The following ANTXRL variants were observed in gnomAD, a reference collection of about 807,000 sequenced individuals.
ANTXRL encodes anthrax toxin receptor-like.
ANTXRL carries 63 observed loss-of-function variants against 75.4 expected under a neutral mutation model. The ratio of observed to expected loss-of-function variants is 0.84; its 90% CI spans 0.68 to 1.03. ANTXRL has a LOEUF of 1.03. ANTXRL is among the 50% of genes least tolerant of loss of function. ANTXRL has a pLI of 0.00. For missense variants in ANTXRL, 797 were observed against 789.4 expected (o/e 1.01, Z -0.12); for synonymous variants, 335 against 291.3 (o/e 1.15, Z -1.53).
rs1836791314 is a variant in ANTXRL, at chr10:46,286,999, T to C, written c.-264T>C. 2 of 540,402 alleles carry C rather than the reference T, an allele frequency of 3.7e-6. No homozygotes were observed. The highest frequency in any genetic ancestry group is 6.6e-6 in the Non-Finnish European group (2 of 304,608). The allele number at this position is 540,402 out of a possible 1,614,324, so 33.5% of individuals were successfully genotyped here. A position where few individuals can be genotyped will look rare whatever the true frequency, so the allele number is the denominator to read the frequency against. On this transcript the variant is annotated 5_prime_UTR_variant, in exon 1 of 17. Transcript: ENST00000620264. ...ACCATGTCAACCTTCCTGTCAACCATAACAGAGAATTCTGTCCCCAGGGTG... is the reference window on the plus strand; with the variant it reads ...ACCATGTCAACCTTCCTGTCAACCACAACAGAGAATTCTGTCCCCAGGGTG...
intron 3 of ANTXRL, among the ~76,000 whole-genome samples, chr10:46,295,324 G>A (rs1452256470): frequency 3.3e-5 from 5 of 152,174 alleles, no homozygotes; most frequent in African/African-American, 9.7e-5. Flanking sequence ...GTTAAAGGAC[G>A]GAGTGCCCAA....
intron 2 of ANTXRL, among the ~76,000 whole-genome samples, chr10:46,293,410 C>G (rs111258922): frequency 7.4e-6 from 1 of 134,378 alleles, no homozygotes; most frequent in Non-Finnish European, 1.6e-5. Context: ...GAGTGTGTGC[C>G]TGTGTGTGGG....
chr10:46,316,868 G>A (rs1838755479), intron 16 of ANTXRL, among the ~76,000 whole-genome samples: 1 of 152,112 alleles, frequency 6.6e-6, no homozygotes. Flanking sequence ...GAATTTTTCT[G>A]GGTACTTCAG....
intron 9 of ANTXRL, among the ~76,000 whole-genome samples, chr10:46,300,621 C>A (rs56801858): frequency 6.6e-6 from 1 of 151,674 alleles, no homozygotes; most frequent in Non-Finnish European, 1.5e-5. Context: ...AGGTGGAGCA[C>A]AGGCACTCTG....
chr10:46,307,000 G>T, intron 11 of ANTXRL, 128 bp downstream of exon 11: 1 of 774,768 alleles, frequency 1.3e-6, no homozygotes, highest in South Asian at 1.9e-5. Flanking sequence ...GCTGCGCAAA[G>T]AGCACCCTCC....
At position 46,330,064 on chromosome 10, in the gene ANTXRL, C is replaced by A. The variant is rs782628461; in HGVS notation, c.1876C>A (p.Pro626Thr). Residue 626 changes from proline to threonine, a missense_variant, in exon 17 of 17, where the codon CCC (proline) becomes ACC (threonine). Physicochemically the swap from Pro to Thr is conservative, Grantham distance 38. This residue lies in a region of ANTXRL where 479 missense variants were observed against 422.0 expected (regional missense o/e 1.14). Coordinates refer to ENST00000620264, the MANE Select transcript of ANTXRL (RefSeq NM_001278688.3). ...HTAEPPLSLPPSEPNF is the reference protein window; with the variant it reads ...HTAEPPLSLPTSEPNF ...GGCAGAACCCCCTTTGTCACTCCCC[C>A]CCTCAGAGCCCAACTTCTAAGGCAC... The A allele has an allele frequency of 4.7e-5, 72 of 1,520,380 alleles. No homozygotes were observed. The highest frequency in any genetic ancestry group is 4.5e-4 in the African/African-American group (33 of 72,744). The allele number at this position is 1,520,380 out of a possible 1,614,324, so 94.2% of individuals were successfully genotyped here. A position where few individuals can be genotyped will look rare whatever the true frequency, so the allele number is the denominator to read the frequency against.
rs1554960856 is a variant in ANTXRL, at chr10:46,302,705, G to A, written c.797-17G>A. The A allele has an allele frequency of 3.9e-6, 6 of 1,523,806 alleles. No homozygotes were observed. The highest frequency in any genetic ancestry group is 5.3e-6 in the Non-Finnish European group (6 of 1,135,584). 94.4% of individuals were successfully genotyped at this position (1,523,806 alleles called of 1,614,324 possible). A position where few individuals can be genotyped will look rare whatever the true frequency, so the allele number is the denominator to read the frequency against. On this transcript the variant is annotated splice_polypyrimidine_tract_variant and intron_variant, in intron 9 of 16. Transcript: ENST00000620264. Reference sequence around the variant, plus strand: ...CCTACTCTTCCTCACTCAGCCTTTTGAATGTTGTCCTTGCAGAACCCTACC... The same window carrying A: ...CCTACTCTTCCTCACTCAGCCTTTTAAATGTTGTCCTTGCAGAACCCTACC...
At chr10:46,293,957 C>T in intron 3 of ANTXRL, 57 bp downstream of exon 3, 1 of 1,495,600 alleles carries the variant, frequency 6.7e-7, no homozygotes, top group Non-Finnish European at 9.0e-7. Flanking sequence ...AGAGGGAGCT[C>T]CAGGGAGCTG....
Position 46,329,930 on chromosome 10 carries a change from G to T in ANTXRL, c.1742G>T (p.Arg581Leu), listed in dbSNP as rs186287329. ...CCAAAGAGCTGCCTTCAACCCAGCC[G>T]GGAGTGCCTCCCCCTCACCTGCTCC... ...CNPKSCLQPSRECLPLTCSSR... is the reference protein window; with the variant it reads ...CNPKSCLQPSLECLPLTCSSR... The change falls in exon 17 of 17, where the codon CGG becomes CTG. Residue 581 changes from arginine to leucine, a missense_variant. Transcript: ENST00000620264. 6 of 1,535,862 alleles carry T rather than the reference G, an allele frequency of 3.9e-6. No homozygotes were observed. In the East Asian group the frequency reaches 1.5e-4, roughly 38 times the overall value.
At chr10:46,301,779 A>G (rs1246092127) in intron 9 of ANTXRL, among the ~76,000 whole-genome samples, 1 of 152,226 alleles carries the variant, frequency 6.6e-6, no homozygotes, top group Non-Finnish European at 1.5e-5. Flanking sequence ...ACACTGCAGA[A>G]AGGCAGGAAG....
At chr10:46,307,744 G>T (rs1838179665) in intron 12 of ANTXRL, among the ~76,000 whole-genome samples, 2 of 152,124 alleles carry the variant, frequency 1.3e-5, no homozygotes, top group Admixed American at 6.6e-5. Flanking sequence ...TGCCGTCAGG[G>T]TATGTGTGTG....
At chr10:46,304,590 G>T (rs1380024116) in intron 10 of ANTXRL, among the ~76,000 whole-genome samples, 1 of 152,090 alleles carries the variant, frequency 6.6e-6, no homozygotes, top group Non-Finnish European at 1.5e-5. Context: ...TTTGTTATCA[G>T]GCATATAGGC....
intron 1 of ANTXRL, among the ~76,000 whole-genome samples, chr10:46,287,759 C>T (rs570076077): frequency 7.9e-5 from 12 of 152,254 alleles, no homozygotes; most frequent in Admixed American, 3.3e-4. Context: ...GATTCCCTAC[C>T]CCTCCATCAG....
chr10:46,304,347 T>C (rs1306407437), intron 10 of ANTXRL, among the ~76,000 whole-genome samples: 4 of 152,084 alleles, frequency 2.6e-5, no homozygotes, highest in African/African-American at 9.7e-5. Flanking sequence ...GCCATAGTAA[T>C]GTGCATAATC....
At chr10:46,320,303 T>A (rs1212059234) in intron 16 of ANTXRL, among the ~76,000 whole-genome samples, 1 of 152,192 alleles carries the variant, frequency 6.6e-6, no homozygotes, top group Non-Finnish European at 1.5e-5. Context: ...GGGAAAATTC[T>A]TAAATTTTGT....
At chr10:46,309,043 G>A (rs559330919) in intron 12 of ANTXRL, 70 bp from the exon 13 acceptor site, 2 of 1,531,948 alleles carry the variant, frequency 1.3e-6, no homozygotes, top group South Asian at 1.2e-5. Flanking sequence ...GTGGGCAGAT[G>A]GGCCACCAAG....
intron 16 of ANTXRL, among the ~76,000 whole-genome samples, chr10:46,313,846 G>T (rs1270041220): frequency 2.6e-5 from 4 of 152,116 alleles, no homozygotes; most frequent in African/African-American, 9.7e-5. Flanking sequence ...GAGATATTAA[G>T]TAGCATGTCC....
At chr10:46,299,815 CT>C (rs1837606566) in intron 9 of ANTXRL, among the ~76,000 whole-genome samples, 1 of 152,160 alleles carries the variant, frequency 6.6e-6, no homozygotes, top group Non-Finnish European at 1.5e-5. Flanking sequence ...TGGCACAGGG[CT>C]GGGAGCTGGC....
intron 2 of ANTXRL, chr10:46,293,200 G>A: frequency 6.4e-6 from 1 of 157,326 alleles, no homozygotes; most frequent in South Asian, 1.8e-4. Flanking sequence ...ATGTGTGTGG[G>A]TGCATATGTG....
Sources: gnomAD v4.1 joint callset for allele counts (sites outside exome capture counted in the v4.1 genomes callset) on GRCh38, gnomAD v4.1.1 for gene constraint, gnomAD v4.1.1 regional missense constraint, MANE v1.5 for transcripts, NCBI Gene and HGNC (gene_info 2026-07-23, HGNC 2026-07-21) for gene names.